The following PCDHGB7 variants were observed in gnomAD, a reference collection of about 807,000 sequenced individuals.
The protein encoded by PCDHGB7 is protocadherin gamma subfamily B, 7.
PCDHGB7 carries 37 observed loss-of-function variants against 61.4 expected under a neutral mutation model. That is an observed-to-expected ratio of 0.60 (90% CI 0.46 to 0.79). PCDHGB7 has a LOEUF of 0.79. PCDHGB7 is among the 30% of genes least tolerant of loss of function. The probability of loss-of-function intolerance (pLI) is 0.00; values close to 1 mark genes in which losing one functional copy is unlikely to be tolerated. For synonymous variants in PCDHGB7, 464 were observed against 503.5 expected, an observed-to-expected ratio of 0.92 and a Z score of 1.05; for missense variants, 1,166 against 1,202.5, an observed-to-expected ratio of 0.97 and a Z score of 0.45.
chr5:141,485,134 C>T lies in PCDHGB7; in HGVS notation c.2416-9673C>T. The T allele has an allele frequency of 6.7e-7, 1 of 1,495,958 alleles. No homozygotes were observed. The highest frequency in any genetic ancestry group is 1.4e-5 in the African/African-American group (1 of 72,714). 92.7% of individuals were successfully genotyped at this position (1,495,958 alleles called of 1,614,324 possible). On this transcript the variant is annotated intron_variant, in intron 1 of 3. Transcript: ENST00000398594. The surrounding 1 kb of genome is among the most constrained non-coding windows in gnomAD (Gnocchi z 5.7). Reference sequence around the variant, plus strand: ...CTGTTTGGGGCGGGTCGGCTTCATCCGCGTCTCAGGAGCAAGTAGAGAATT... The same window carrying T: ...CTGTTTGGGGCGGGTCGGCTTCATCTGCGTCTCAGGAGCAAGTAGAGAATT...
intron 3 of PCDHGB7, among the ~76,000 whole-genome samples, chr5:141,508,792 CT>C (rs1475631459): frequency 6.6e-6 from 1 of 152,130 alleles, no homozygotes; most frequent in Non-Finnish European, 1.5e-5. Flanking sequence ...CTAAATCACT[CT>C]GGAATCCTGG....
Position 141,418,523 on chromosome 5 carries a change from C to T in PCDHGB7, c.664C>T (p.Arg222Ter), listed in dbSNP as rs2096266495. 1 of 1,613,958 alleles carries T rather than the reference C, an allele frequency of 6.2e-7. No homozygotes were observed. The highest frequency in any genetic ancestry group is 8.5e-7 in the Non-Finnish European group (1 of 1,179,880). Residue 222 changes from arginine (R) to a stop codon, truncating the protein, a stop_gained, in exon 1 of 4, where the codon CGA becomes TGA. Transcript: ENST00000398594. LOFTEE classifies it high-confidence loss of function. ...LTALDGGDPP[R>*]SGTAQIRILV... ...CGCCTTAGATGGTGGGGACCCTCCC[C>T]GAAGCGGTACTGCTCAGATAAGAAT...
intron 1 of PCDHGB7, chr5:141,428,173 CGGA>C (rs770477048): frequency 1.3e-6 from 2 of 1,514,730 alleles, no homozygotes. Context: ...CTGTGCGTGA[CGGA>C]GGACAGCCGC....
chr5:141,488,518 G>A lies in PCDHGB7; in HGVS notation c.2416-6289G>A, dbSNP rs2233597. On this transcript the variant is annotated intron_variant, in intron 1 of 3. Coordinates refer to ENST00000398594, the MANE Select transcript of PCDHGB7 (RefSeq NM_018927.4). Reference sequence around the variant, plus strand: ...CACTCATTCCACATTTGGGGTCTGGGGTGTCAGAAAAGCTAAGTCCCATGT... The same window carrying A: ...CACTCATTCCACATTTGGGGTCTGGAGTGTCAGAAAAGCTAAGTCCCATGT... Among the ~76,000 whole-genome samples the A allele has an allele frequency of 5.8e-3, 879 of 152,218 alleles. 4 individuals are homozygous for A. The highest frequency in any genetic ancestry group is 0.021 in the African/African-American group (853 of 41,520).
chr5:141,468,939 G>A (rs2099186103), intron 1 of PCDHGB7, among the ~76,000 whole-genome samples: 1 of 144,350 alleles, frequency 6.9e-6, no homozygotes, highest in Non-Finnish European at 1.5e-5. Context: ...ATGGGAGATG[G>A]GGTAAACCTG....
intron 1 of PCDHGB7, among the ~76,000 whole-genome samples, chr5:141,474,120 T>C (rs2099343213): frequency 6.6e-6 from 1 of 151,910 alleles, no homozygotes; most frequent in Non-Finnish European, 1.5e-5. Flanking sequence ...ACAACGAAAA[T>C]CTCAGAAAAC....
chr5:141,475,550 TA>T (rs2099365126), intron 1 of PCDHGB7, among the ~76,000 whole-genome samples: 2 of 152,246 alleles, frequency 1.3e-5, no homozygotes, highest in Non-Finnish European at 2.9e-5. Context: ...AGGGTCCGGC[TA>T]ATTGTCTGTC....
At chr5:141,480,652 A>C (rs1488188393) in intron 1 of PCDHGB7, among the ~76,000 whole-genome samples, 4 of 152,220 alleles carry the variant, frequency 2.6e-5, no homozygotes, top group Non-Finnish European at 5.9e-5. Context: ...TTGGTTGCAC[A>C]TTAAAATCAC....
chr5:141,423,544 C>G, intron 1 of PCDHGB7: 1 of 1,613,744 alleles, frequency 6.2e-7, no homozygotes, highest in African/African-American at 1.3e-5. Flanking sequence ...GATTTTCCCC[C>G]AGCCCAACTA....
At position 141,487,116 on chromosome 5, in the gene PCDHGB7, A is replaced by G. The variant is rs749256818; in HGVS notation, c.2416-7691A>G. On this transcript the variant is annotated intron_variant, in intron 1 of 3. Transcript: ENST00000398594. This position sits in a 1 kb window ranked among gnomAD's most constrained non-coding sequence, Gnocchi z 5.0. ...CCACAGAAGCTGGTCATTGTGGTAA[A>G]GGATAGTGGTAGTCCACCACTCTCT... The G allele has an allele frequency of 3.1e-6, 5 of 1,614,022 alleles. No individual in the cohort carries two copies.
intron 2 of PCDHGB7, among the ~76,000 whole-genome samples, 170 bp from the exon 3 acceptor site, chr5:141,505,223 A>G (rs746167057): frequency 1.9e-4 from 29 of 152,176 alleles, no homozygotes; most frequent in Admixed American, 6.5e-5. Flanking sequence ...GACTTGTGGG[A>G]TTCTGGCTTC....
In PCDHGB7 at chr5:141,491,848, C is replaced by A; in HGVS notation, c.2416-2959C>A. 1 of 1,461,478 alleles carries A rather than the reference C, an allele frequency of 6.8e-7. No homozygotes were observed. Among genetic ancestry groups the A allele is most frequent in the Non-Finnish European group, 9.1e-7 (1 of 1,104,578 alleles). The allele number at this position is 1,461,478 out of a possible 1,614,324, so 90.5% of individuals were successfully genotyped here. A position where few individuals can be genotyped will look rare whatever the true frequency, so the allele number is the denominator to read the frequency against. On this transcript the variant is annotated intron_variant, in intron 1 of 3. Transcript: ENST00000398594. This position sits in a 1 kb window ranked among gnomAD's most constrained non-coding sequence, Gnocchi z 6.9. ...CACCCGATTCTCGGGATCATTGGAC[C>A]GTTTGCGCGAAACCAGAGTGGCCGA...
chr5:141,489,943 A>G lies in PCDHGB7; in HGVS notation c.2416-4864A>G. ...CCTTATCTCTGTCATCGTGCTGGAC[A>G]TCAATGATAATGCTCCAACCTTCCA... On this transcript the variant is annotated intron_variant, in intron 1 of 3. Transcript: ENST00000398594. The surrounding 1 kb of genome is among the most constrained non-coding windows in gnomAD (Gnocchi z 4.5). 5.6e-6 allele frequency: 9 copies of G among 1,614,190 alleles called. No homozygotes were observed. Among genetic ancestry groups the G allele is most frequent in the Non-Finnish European group, 7.6e-6 (9 of 1,180,016 alleles).
At chr5:141,472,022 T>A (rs949257396) in intron 1 of PCDHGB7, among the ~76,000 whole-genome samples, 6 of 152,176 alleles carry the variant, frequency 3.9e-5, no homozygotes, top group African/African-American at 1.4e-4. Context: ...CTATATTGTA[T>A]GTAGAAAGCT....
intron 1 of PCDHGB7, chr5:141,423,123 A>G: frequency 1.2e-6 from 2 of 1,613,766 alleles, no homozygotes; most frequent in Non-Finnish European, 1.7e-6. Flanking sequence ...CAGCGCGGGC[A>G]CTGCTGGACA....
intron 1 of PCDHGB7, among the ~76,000 whole-genome samples, chr5:141,436,604 G>A (rs2097836057): frequency 6.6e-6 from 1 of 152,146 alleles, no homozygotes; most frequent in Admixed American, 6.5e-5. Context: ...GTGATGGCTA[G>A]GGCTAACAAA....
rs2096301395 is a variant in PCDHGB7, at chr5:141,418,913, C to A, written c.1054C>A (p.Leu352Ile). The change falls in exon 1 of 4, where the codon CTC becomes ATC. Residue 352 changes from leucine (L) to isoleucine (I), a missense_variant. Physicochemically the swap from Leu to Ile is conservative, Grantham distance 5. Coordinates refer to ENST00000398594, the MANE Select transcript of PCDHGB7 (RefSeq NM_018927.4). ...DNSPEIIITS[L>I]SDQIMEDSPP... is the part of the protein sequence containing the mutation. ...CAGCCCAGAAATAATCATCACGTCA[C>A]TCTCTGATCAGATTATGGAGGATTC... The A allele has an allele frequency of 2.5e-6, 4 of 1,613,946 alleles. No homozygotes were observed. The highest frequency in any genetic ancestry group is 3.4e-6 in the Non-Finnish European group (4 of 1,179,822).
rs537684458 is a variant in PCDHGB7, at chr5:141,431,679, T to G, written c.2415+11405T>G. The G allele has an allele frequency of 1.5e-5, 24 of 1,614,222 alleles. No individual in the cohort carries two copies. The highest frequency in any genetic ancestry group is 3.3e-5 in the Admixed American group (2 of 60,028). On this transcript the variant is annotated intron_variant, in intron 1 of 3. Coordinates refer to ENST00000398594, the MANE Select transcript of PCDHGB7 (RefSeq NM_018927.4). The surrounding 1 kb of genome is among the most constrained non-coding windows in gnomAD (Gnocchi z 4.8). ...GGGACAATATCAACAATAGGGGAGT[T>G]GGACCACGAGGAGTCAGGATTCTAC...
intron 1 of PCDHGB7, among the ~76,000 whole-genome samples, chr5:141,448,016 G>A (rs903673535): frequency 6.6e-6 from 1 of 152,006 alleles, no homozygotes; most frequent in South Asian, 2.1e-4. Context: ...AACCCAGGAG[G>A]TGGAGGTTGC....
Sources: allele counts gnomAD v4.1 joint callset (sites outside exome capture counted in the v4.1 genomes callset), GRCh38; gene constraint gnomAD v4.1.1; non-coding constraint Gnocchi (gnomAD v3.1); transcripts MANE v1.5; gene names NCBI Gene and HGNC (gene_info 2026-07-23, HGNC 2026-07-21).